SMAP1: variants seen among roughly 807,000 people sequenced by gnomAD.
SMAP1 encodes stromal membrane-associated protein 1.
A neutral mutation model predicts 58.5 loss-of-function variants in SMAP1; 24 were observed. The ratio of observed to expected loss-of-function variants is 0.41; its 90% CI spans 0.30 to 0.58. SMAP1 has a LOEUF of 0.58. SMAP1 is among the 20% of genes least tolerant of loss of function. The probability of loss-of-function intolerance (pLI) is 0.29; values close to 1 mark genes in which losing one functional copy is unlikely to be tolerated. For synonymous variants in SMAP1, 216 were observed against 196.6 expected, an observed-to-expected ratio of 1.10 and a Z score of -0.82; for missense variants, 563 against 566.3, an observed-to-expected ratio of 0.99 and a Z score of 0.06.
intron 4 of SMAP1, among the ~76,000 whole-genome samples, chr6:70,789,532 CTTAAGT>C (rs1321515863): frequency 6.7e-6 from 1 of 149,950 alleles, no homozygotes; most frequent in Non-Finnish European, 1.5e-5. Context: ...TGTCTTTCTT[CTTAAGT>C]TTGTTTTCTT....
At chr6:70,741,013 A>T (rs1270343668) in intron 2 of SMAP1, among the ~76,000 whole-genome samples, 1 of 152,064 alleles carries the variant, frequency 6.6e-6, no homozygotes, top group Admixed American at 6.5e-5. Flanking sequence ...TGATTCAATT[A>T]TTTCCCACTG....
chr6:70,751,170 A>G (rs1449219952), intron 2 of SMAP1, among the ~76,000 whole-genome samples: 2 of 152,022 alleles, frequency 1.3e-5, no homozygotes, highest in Non-Finnish European at 2.9e-5. Flanking sequence ...AACCTGGGAG[A>G]TGGAGGTTGC....
chr6:70,676,778 T>G (rs1766497753), intron 1 of SMAP1, among the ~76,000 whole-genome samples: 1 of 152,170 alleles, frequency 6.6e-6, no homozygotes, highest in Non-Finnish European at 1.5e-5. Context: ...TTTATTTTAT[T>G]TATTTATTTT....
chr6:70,684,298 A>G (rs1037197967), intron 1 of SMAP1, among the ~76,000 whole-genome samples: 6 of 152,260 alleles, frequency 3.9e-5, no homozygotes, highest in African/African-American at 1.4e-4. Flanking sequence ...GAGAGATTGT[A>G]CAGATAGATG....
chr6:70,824,082 TTCTG>T (rs1265915077), intron 6 of SMAP1, among the ~76,000 whole-genome samples: 1 of 152,146 alleles, frequency 6.6e-6, no homozygotes, highest in Non-Finnish European at 1.5e-5. Flanking sequence ...CATAAGTTGA[TTCTG>T]TCTATCTGCC....
intron 4 of SMAP1, among the ~76,000 whole-genome samples, chr6:70,779,227 A>G (rs1417241286): frequency 6.6e-6 from 1 of 152,206 alleles, no homozygotes; most frequent in African/African-American, 2.4e-5. Context: ...ACTTGGCTGC[A>G]CTGCCGAGTC....
At position 70,802,900 on chromosome 6, in the gene SMAP1, C is replaced by T. The variant is rs567715405; in HGVS notation, c.576+4163C>T. 1.7e-3 allele frequency among the ~76,000 whole-genome samples: 257 copies of T among 152,098 alleles called. 1 individual carries two copies. The highest frequency in any genetic ancestry group is 5.6e-3 in the African/African-American group (233 of 41,456). Reference sequence around the variant, plus strand: ...AAGCTTTTCGATGTGCTGCTGGATTCGGTTTGCCAGTATTTTATTGAGGAT... The same window carrying T: ...AAGCTTTTCGATGTGCTGCTGGATTTGGTTTGCCAGTATTTTATTGAGGAT... On this transcript the variant is annotated intron_variant, in intron 6 of 10. Coordinates refer to ENST00000370455, the MANE Select transcript of SMAP1 (RefSeq NM_001044305.3).
chr6:70,751,618 C>T (rs941632596), intron 2 of SMAP1, among the ~76,000 whole-genome samples: 2 of 152,026 alleles, frequency 1.3e-5, no homozygotes, highest in African/African-American at 4.8e-5. Flanking sequence ...GATGTGACTT[C>T]TCTAAAGCCA....
chr6:70,816,177 G>A (rs956092857), intron 6 of SMAP1, among the ~76,000 whole-genome samples: 2 of 152,110 alleles, frequency 1.3e-5, no homozygotes, highest in African/African-American at 4.8e-5. Flanking sequence ...AACAGGCAGA[G>A]AGAAGAAGAA....
chr6:70,830,491 ATTGTATC>A (rs750066519), intron 6 of SMAP1, among the ~76,000 whole-genome samples: 66 of 152,340 alleles, frequency 4.3e-4, no homozygotes, highest in Middle Eastern at 6.8e-3. Context: ...ATCTTAAATA[ATTGTATC>A]TTGTAAGTCT....
chr6:70,861,855 T>C lies in SMAP1; in HGVS notation c.*1521T>C. 6.2e-7 allele frequency: 1 copy of C among 1,614,132 alleles called. No homozygotes were observed. The highest frequency in any genetic ancestry group is 8.5e-7 in the Non-Finnish European group (1 of 1,179,980). On this transcript the variant is annotated 3_prime_UTR_variant, in exon 11 of 11. Coordinates refer to ENST00000370455, the MANE Select transcript of SMAP1 (RefSeq NM_001044305.3). ...CTTAGTGCAGTTATTTGCTTTCGGT[T>C]CCAGTTCTTCGACTGTTGTTATCTG...
chr6:70,778,838 G>T (rs573258746), intron 4 of SMAP1, among the ~76,000 whole-genome samples: 5 of 152,216 alleles, frequency 3.3e-5, no homozygotes, highest in Non-Finnish European at 7.3e-5. Context: ...TGGCCATGGG[G>T]TACCTCTAAC....
intron 1 of SMAP1, among the ~76,000 whole-genome samples, chr6:70,708,158 A>G (rs189389764): frequency 1.5e-4 from 23 of 151,574 alleles, no homozygotes; most frequent in African/African-American, 5.3e-4. Flanking sequence ...CCATCATTCT[A>G]CTCTCTGTTT....
intron 6 of SMAP1, among the ~76,000 whole-genome samples, chr6:70,804,594 A>G (rs934556154): frequency 3.3e-5 from 5 of 152,160 alleles, no homozygotes; most frequent in African/African-American, 1.2e-4. Context: ...CATAGCATCG[A>G]TGGTCTTTCC....
At chr6:70,669,145 A>G (rs1766160691) in intron 1 of SMAP1, among the ~76,000 whole-genome samples, 1 of 151,528 alleles carries the variant, frequency 6.6e-6, no homozygotes, top group Non-Finnish European at 1.5e-5. Flanking sequence ...TGTGTAGTTA[A>G]GAAAAGATCG....
In SMAP1 at chr6:70,814,330, G is replaced by A. The variant is rs549245047; in HGVS notation, c.576+15593G>A. Among the ~76,000 whole-genome samples, 8 of 152,222 alleles carry A rather than the reference G, an allele frequency of 5.3e-5. No homozygotes were observed. In the South Asian group the frequency reaches 1.7e-3, roughly 32 times the overall value. Reference sequence around the variant, plus strand: ...AGTATCAACAATGGCTTTTATGTATGGATTTTGAAAATCAGTCTTATCACT... The same window carrying A: ...AGTATCAACAATGGCTTTTATGTATAGATTTTGAAAATCAGTCTTATCACT... On this transcript the variant is annotated intron_variant, in intron 6 of 10. Coordinates refer to ENST00000370455, the MANE Select transcript of SMAP1 (RefSeq NM_001044305.3).
chr6:70,858,288 T>C (rs1158795355), intron 10 of SMAP1, 59 bp downstream of exon 10: 1 of 23,992 alleles, frequency 4.2e-5, no homozygotes, highest in Non-Finnish European at 8.8e-5. Context: ...TTTCTAAATC[T>C]TTTTTTTTTT....
chr6:70,749,273 TC>T (rs1343000685), intron 2 of SMAP1, among the ~76,000 whole-genome samples: 1 of 151,878 alleles, frequency 6.6e-6, no homozygotes, highest in Non-Finnish European at 1.5e-5. Context: ...GGGGAACAGA[TC>T]CCCATGATTC....
chr6:70,767,510 A>T (rs1767051060), intron 3 of SMAP1, among the ~76,000 whole-genome samples: 1 of 152,162 alleles, frequency 6.6e-6, no homozygotes, highest in Non-Finnish European at 1.5e-5. Context: ...TCTTTGAAGC[A>T]ATTGTGCATG....
Sources: gnomAD v4.1 joint callset for allele counts (sites outside exome capture counted in the v4.1 genomes callset) on GRCh38, gnomAD v4.1.1 for gene constraint, MANE v1.5 for transcripts, NCBI Gene and HGNC (gene_info 2026-07-23, HGNC 2026-07-21) for gene names.